SMARCC1: variants seen among roughly 807,000 people sequenced by gnomAD.
The protein encoded by SMARCC1 is SWI/SNF complex subunit SMARCC1.
A neutral mutation model predicts 147.4 loss-of-function variants in SMARCC1; 43 were observed. The ratio of observed to expected loss-of-function variants is 0.29; its 90% CI spans 0.23 to 0.38. The LOEUF (loss-of-function observed/expected upper bound fraction) is 0.38, where lower values mean the gene tolerates loss of function less well. Ranked by LOEUF, SMARCC1 falls within the 10% of genes least tolerant of loss-of-function variation. SMARCC1 has a pLI of 1.00. For synonymous variants in SMARCC1, 495 were observed against 484.4 expected (o/e 1.02, Z -0.29); for missense variants, 1,119 against 1,381.1 (o/e 0.81, Z 3.01).
At chr3:47,766,909 G>C (rs573496447) in intron 2 of SMARCC1, among the ~76,000 whole-genome samples, 1 of 152,092 alleles carries the variant, frequency 6.6e-6, no homozygotes, top group African/African-American at 2.4e-5. Context: ...CTCTAGCTGG[G>C]CATGGTGGCT....
intron 26 of SMARCC1, among the ~76,000 whole-genome samples, chr3:47,607,837 A>G (rs1216949154): frequency 6.6e-6 from 1 of 152,132 alleles, no homozygotes; most frequent in Non-Finnish European, 1.5e-5. Flanking sequence ...GAGCCCAGGA[A>G]TTTGGGTCCA....
At chr3:47,713,118 C>A (rs745787074) in intron 8 of SMARCC1, among the ~76,000 whole-genome samples, 1 of 151,864 alleles carries the variant, frequency 6.6e-6, no homozygotes, top group Non-Finnish European at 1.5e-5. Flanking sequence ...GTCAGGAGAT[C>A]GAGACCATCC....
At chr3:47,714,859 T>C (rs910908893) in intron 7 of SMARCC1, among the ~76,000 whole-genome samples, 1 of 152,148 alleles carries the variant, frequency 6.6e-6, no homozygotes, top group African/African-American at 2.4e-5. Context: ...TAGAAACTTA[T>C]CAGACACTTT....
chr3:47,781,361 G>A (rs974637630), intron 1 of SMARCC1, among the ~76,000 whole-genome samples: 1 of 152,228 alleles, frequency 6.6e-6, no homozygotes, highest in Non-Finnish European at 1.5e-5. Flanking sequence ...TCTGGCACAC[G>A]AGACTGAGCA....
intron 17 of SMARCC1, 43 bp downstream of exon 17, chr3:47,676,586 T>C (rs746670576): frequency 1.3e-6 from 2 of 1,519,886 alleles, no homozygotes; most frequent in Admixed American, 1.8e-5. Flanking sequence ...TAAATGGCCA[T>C]TTGTTACTAT....
intron 27 of SMARCC1, among the ~76,000 whole-genome samples, chr3:47,590,009 G>A (rs2032150298): frequency 6.6e-6 from 1 of 152,164 alleles, no homozygotes; most frequent in Non-Finnish European, 1.5e-5. Flanking sequence ...TAAAAGGCAG[G>A]CCAGGGTCTC....
chr3:47,595,711 C>A (rs1039708878), intron 26 of SMARCC1, among the ~76,000 whole-genome samples: 2 of 151,642 alleles, frequency 1.3e-5, no homozygotes, highest in African/African-American at 4.8e-5. Context: ...CTGTATTACA[C>A]CGAGGCTTAT....
chr3:47,701,000 T>C (rs766883312), intron 11 of SMARCC1, among the ~76,000 whole-genome samples: 3 of 152,234 alleles, frequency 2.0e-5, no homozygotes, highest in Admixed American at 6.5e-5. Flanking sequence ...TATTCCACTT[T>C]TTCATATGAA....
intron 24 of SMARCC1, among the ~76,000 whole-genome samples, chr3:47,630,227 T>G: frequency 6.6e-6 from 1 of 152,042 alleles, no homozygotes; most frequent in East Asian, 1.9e-4. Flanking sequence ...CTTCAGATCA[T>G]CAGACATTAG....
chr3:47,763,443 T>G (rs1438545180), intron 2 of SMARCC1, among the ~76,000 whole-genome samples: 1 of 151,942 alleles, frequency 6.6e-6, no homozygotes, highest in Admixed American at 6.6e-5. Context: ...TAATAATTTT[T>G]TCAGTGAGTT....
At chr3:47,634,965 C>T (rs1446164973) in intron 24 of SMARCC1, among the ~76,000 whole-genome samples, 1 of 152,174 alleles carries the variant, frequency 6.6e-6, no homozygotes, top group Non-Finnish European at 1.5e-5. Context: ...CTTTACAAGG[C>T]TAAATGGTAT....
At chr3:47,678,610 T>C (rs937736730) in intron 15 of SMARCC1, among the ~76,000 whole-genome samples, 1 of 152,220 alleles carries the variant, frequency 6.6e-6, no homozygotes. Context: ...AACTAACACG[T>C]GGTTACATAG....
chr3:47,600,568 C>T (rs1336281134), intron 26 of SMARCC1, among the ~76,000 whole-genome samples: 1 of 152,176 alleles, frequency 6.6e-6, no homozygotes, highest in South Asian at 2.1e-4. Context: ...GAACAAGAGA[C>T]TGAGCTGAGA....
chr3:47,617,916 T>C (rs936583093), intron 25 of SMARCC1, among the ~76,000 whole-genome samples: 7 of 152,222 alleles, frequency 4.6e-5, no homozygotes, highest in South Asian at 2.1e-4. Flanking sequence ...AAGAACATTA[T>C]AGCTCCCATT....
chr3:47,664,001 A>T, intron 19 of SMARCC1: 1 of 875,250 alleles, frequency 1.1e-6, no homozygotes, highest in South Asian at 1.8e-5. Context: ...CACTGGCCCT[A>T]CCATGGGACT....
At chr3:47,749,212 G>A (rs979189544) in intron 2 of SMARCC1, among the ~76,000 whole-genome samples, 2 of 152,058 alleles carry the variant, frequency 1.3e-5, no homozygotes, top group African/African-American at 4.8e-5. Flanking sequence ...GCTGAGGTGG[G>A]AGGATCACTT....
chr3:47,659,939 T>G (rs538303033), intron 21 of SMARCC1, among the ~76,000 whole-genome samples: 1 of 152,156 alleles, frequency 6.6e-6, no homozygotes, highest in East Asian at 1.9e-4. Flanking sequence ...CATGAAAAAC[T>G]TAGAAATGTT....
intron 25 of SMARCC1, among the ~76,000 whole-genome samples, chr3:47,615,636 T>A (rs956195220): frequency 1.3e-5 from 2 of 152,262 alleles, no homozygotes; most frequent in East Asian, 3.9e-4. Context: ...CAGTTCCGAG[T>A]TCCCTAATAG....
At chr3:47,721,544 GCAAACAAACAAA>G (rs549019718) in intron 6 of SMARCC1, among the ~76,000 whole-genome samples, 153 of 152,116 alleles carry the variant, frequency 1.0e-3, no homozygotes, top group African/African-American at 3.2e-3. Flanking sequence ...AAAGCCCACA[GCAAACAAACAAA>G]CAAACAAACA....
Sources: gnomAD v4.1 joint callset for allele counts (sites outside exome capture counted in the v4.1 genomes callset) on GRCh38, gnomAD v4.1.1 for gene constraint, MANE v1.5 for transcripts, NCBI Gene and HGNC (gene_info 2026-07-23, HGNC 2026-07-21) for gene names.